PSME4: variants seen among roughly 807,000 people sequenced by gnomAD.
The protein encoded by PSME4 is proteasome activator complex subunit 4.
In PSME4, 89 loss-of-function variants were observed where a neutral mutation model predicts 253.9. The observed-to-expected ratio is 0.35, with a 90% CI of 0.30 to 0.42. The LOEUF (loss-of-function observed/expected upper bound fraction) is 0.42. Among genes scored for constraint, PSME4 ranks in the 10% least tolerant of loss-of-function variants. The pLI is 1.00. For synonymous variants in PSME4, 851 were observed against 759.2 expected, an observed-to-expected ratio of 1.12 and a Z score of -1.99; for missense variants, 2,014 against 2,195.2, an observed-to-expected ratio of 0.92 and a Z score of 1.65.
chr2:53,941,411 T>C (rs1359167674), intron 3 of PSME4, among the ~76,000 whole-genome samples: 1 of 151,696 alleles, frequency 6.6e-6, no homozygotes, highest in African/African-American at 2.4e-5. Context: ...AAACACAGTT[T>C]AGAGAAAATC....
chr2:53,949,560 T>A (rs1338194902), intron 1 of PSME4, among the ~76,000 whole-genome samples: 2 of 151,966 alleles, frequency 1.3e-5, no homozygotes, highest in Non-Finnish European at 2.9e-5. Flanking sequence ...CTAGAACCAG[T>A]GATGAGGATG....
rs772170087 is a variant in PSME4 at position 53,899,972 on chromosome 2, T to C, written c.3331A>G (p.Lys1111Glu). The C allele has an allele frequency of 1.2e-6, 2 of 1,613,812 alleles. No individual in the cohort carries two copies. The highest frequency in any genetic ancestry group is 2.2e-5 in the South Asian group (2 of 91,064). ...AATATCTGGTTGATAGAGGGGTTTT[T>C]TGACTGTTGAAGTAATTCCGCTATT... ...VEIAELLQQSKNPSINQILLS... is the reference protein window; with the variant it reads ...VEIAELLQQSENPSINQILLS... Residue 1111 changes from lysine to glutamate, a missense_variant, in exon 29 of 47, where the codon AAA becomes GAA. Lys to Glu is a moderately conservative substitution (Grantham distance 56). Around this residue, in one of 4 missense-constraint regions of PSME4, gnomAD observed 989 missense variants for 1,021.1 expected, o/e 0.97. Coordinates refer to ENST00000404125, the MANE Select transcript of PSME4 (RefSeq NM_014614.3).
At chr2:53,969,383 TC>T (rs1266725763) in intron 1 of PSME4, among the ~76,000 whole-genome samples, 1 of 152,170 alleles carries the variant, frequency 6.6e-6, no homozygotes. Context: ...GAGAAATTTG[TC>T]AGAGGCCCCT....
At chr2:53,884,472 G>A (rs545778426) in intron 41 of PSME4, among the ~76,000 whole-genome samples, 4 of 152,292 alleles carry the variant, frequency 2.6e-5, no homozygotes, top group African/African-American at 7.2e-5. Context: ...GCCTCCCAAA[G>A]TGCTGGCATT....
intron 34 of PSME4, among the ~76,000 whole-genome samples, chr2:53,894,303 A>C (rs145745918): frequency 6.6e-6 from 1 of 152,048 alleles, no homozygotes; most frequent in Non-Finnish European, 1.5e-5. Flanking sequence ...ACAGGGTCTC[A>C]CTCTGTCATC....
intron 34 of PSME4, among the ~76,000 whole-genome samples, chr2:53,894,799 T>TA (rs1030635690): frequency 1.3e-5 from 2 of 152,160 alleles, no homozygotes; most frequent in African/African-American, 2.4e-5. Context: ...AACTCAGTCT[T>TA]AGATACATCA....
chr2:53,874,752 C>G (rs537399477), intron 42 of PSME4, among the ~76,000 whole-genome samples: 2 of 152,246 alleles, frequency 1.3e-5, no homozygotes, highest in East Asian at 3.9e-4. Context: ...TGAGATCAGC[C>G]TGGCCAACAT....
At chr2:53,893,512 G>T (rs1043281100) in intron 35 of PSME4, among the ~76,000 whole-genome samples, 162 bp downstream of exon 35, 1 of 152,022 alleles carries the variant, frequency 6.6e-6, no homozygotes, top group Admixed American at 6.6e-5. Flanking sequence ...GTCTTGTTTA[G>T]GGAATAACGA....
At chr2:53,882,858 A>G (rs1285567622) in intron 41 of PSME4, among the ~76,000 whole-genome samples, 4 of 152,038 alleles carry the variant, frequency 2.6e-5, no homozygotes, top group African/African-American at 9.7e-5. Context: ...GCCTGACTCT[A>G]CTGACAAACA....
chr2:53,888,135 C>A, intron 38 of PSME4, 146 bp from the exon 39 acceptor site: 1 of 683,520 alleles, frequency 1.5e-6, no homozygotes, highest in Non-Finnish European at 2.1e-6. Context: ...CTCAAAATAG[C>A]CTCTTTATGA....
intron 43 of PSME4, among the ~76,000 whole-genome samples, chr2:53,871,935 A>G (rs1475029127): frequency 6.6e-6 from 1 of 152,042 alleles, no homozygotes; most frequent in Non-Finnish European, 1.5e-5. Flanking sequence ...AATCGCTTCA[A>G]CCCAGGGGGC....
chr2:53,955,654 G>A (rs998457408), intron 1 of PSME4, among the ~76,000 whole-genome samples: 2 of 152,272 alleles, frequency 1.3e-5, no homozygotes, highest in African/African-American at 4.8e-5. Context: ...CAGCACAGTG[G>A]CTCATGTCTG....
At chr2:53,887,820 G>A in intron 39 of PSME4, 38 bp downstream of exon 39, 2 of 1,514,954 alleles carry the variant, frequency 1.3e-6, no homozygotes, top group South Asian at 2.4e-5. Flanking sequence ...AACAAACAAA[G>A]AACTCGAGAG....
At chr2:53,944,279 C>T (rs1669598549) in intron 3 of PSME4, among the ~76,000 whole-genome samples, 1 of 152,106 alleles carries the variant, frequency 6.6e-6, no homozygotes, top group African/African-American at 2.4e-5. Flanking sequence ...CTGCCTCAGC[C>T]TCCTGGGTAG....
At chr2:53,866,912 A>ATATATATGTC in intron 44 of PSME4, 32 bp from the exon 45 acceptor site, 2 of 1,601,184 alleles carry the variant, frequency 1.2e-6, no homozygotes, top group Non-Finnish European at 1.7e-6. Flanking sequence ...TTGTGCAAAT[A>ATATATATGTC]TATATATGTC....
At chr2:53,880,727 A>G (rs1679343330) in intron 41 of PSME4, among the ~76,000 whole-genome samples, 1 of 152,246 alleles carries the variant, frequency 6.6e-6, no homozygotes, top group Non-Finnish European at 1.5e-5. Context: ...GCAGAGACAC[A>G]TTCATAGTCA....
At chr2:53,941,103 G>A (rs553302787) in intron 3 of PSME4, among the ~76,000 whole-genome samples, 115 of 141,512 alleles carry the variant, frequency 8.1e-4, no homozygotes, top group Non-Finnish European at 1.5e-3. Flanking sequence ...GAAAGTTTAG[G>A]AACTAATCTG....
At chr2:53,894,268 C>CT (rs1034187387) in intron 34 of PSME4, among the ~76,000 whole-genome samples, 1 of 151,954 alleles carries the variant, frequency 6.6e-6, no homozygotes, top group Non-Finnish European at 1.5e-5. Context: ...TCTCAACTTT[C>CT]TTTTTTTTCT....
chr2:53,871,478 T>C (rs1000996925), intron 43 of PSME4, among the ~76,000 whole-genome samples: 4 of 151,732 alleles, frequency 2.6e-5, no homozygotes, highest in Non-Finnish European at 5.9e-5. Context: ...ATGGTCTCGA[T>C]CTCCTGACCT....
Sources: gnomAD v4.1 joint callset for allele counts (sites outside exome capture counted in the v4.1 genomes callset) on GRCh38, gnomAD v4.1.1 for gene constraint, gnomAD v4.1.1 regional missense constraint, MANE v1.5 for transcripts, NCBI Gene and HGNC (gene_info 2026-07-23, HGNC 2026-07-21) for gene names.